The following ASB3 variants were observed in gnomAD, a reference collection of about 807,000 sequenced individuals.
The protein encoded by ASB3 is ankyrin repeat and SOCS box containing 3.
Under a neutral mutation model 54.5 loss-of-function variants are expected in ASB3, and 41 were observed. That is an observed-to-expected ratio of 0.75 (90% CI 0.59 to 0.98). The LOEUF (loss-of-function observed/expected upper bound fraction) is 0.98, where lower values mean the gene tolerates loss of function less well. Among genes scored for constraint, ASB3 ranks in the 50% least tolerant of loss-of-function variants. ASB3 has a pLI of 0.00. For missense variants in ASB3, 733 were observed against 620.0 expected (o/e 1.18, Z -1.94); for synonymous variants, 266 against 221.2 (o/e 1.20, Z -1.80).
intron 1 of ASB3, among the ~76,000 whole-genome samples, chr2:53,776,230 TTAAA>T (rs1278703565): frequency 6.6e-6 from 1 of 152,244 alleles, no homozygotes; most frequent in Admixed American, 6.5e-5. Context: ...CATATCTACT[TTAAA>T]TATCTTCCAA....
At chr2:53,672,610 T>C (rs1667877017) in intron 9 of ASB3, among the ~76,000 whole-genome samples, 1 of 152,192 alleles carries the variant, frequency 6.6e-6, no homozygotes, top group Admixed American at 6.5e-5. Context: ...ACAACAACCA[T>C]ACATACTTTA....
At chr2:53,680,764 G>A (rs1668328065) in intron 9 of ASB3, among the ~76,000 whole-genome samples, 1 of 152,074 alleles carries the variant, frequency 6.6e-6, no homozygotes. Context: ...GTTGAAAAAT[G>A]TACAATAAAT....
At chr2:53,687,511 T>C (rs1217422794) in intron 9 of ASB3, among the ~76,000 whole-genome samples, 3 of 152,214 alleles carry the variant, frequency 2.0e-5, no homozygotes, top group Non-Finnish European at 4.4e-5. Flanking sequence ...CCAGAGGAAA[T>C]GAATCTAGAG....
intron 7 of ASB3, among the ~76,000 whole-genome samples, chr2:53,713,420 T>G (rs763943105): frequency 3.0e-4 from 45 of 152,326 alleles, no homozygotes; most frequent in Middle Eastern, 3.4e-3. Flanking sequence ...GACCAGATAT[T>G]ACTCAATATG....
At chr2:53,765,760 G>T (rs1052145881) in intron 1 of ASB3, among the ~76,000 whole-genome samples, 175 bp from the exon 2 acceptor site, 1 of 152,178 alleles carries the variant, frequency 6.6e-6, no homozygotes, top group Non-Finnish European at 1.5e-5. Flanking sequence ...AAAGCAGGAA[G>T]TTTCTCTGTT....
intron 3 of ASB3, among the ~76,000 whole-genome samples, chr2:53,746,466 G>GT (rs1162654778): frequency 4.8e-5 from 7 of 146,782 alleles, no homozygotes; most frequent in African/African-American, 1.8e-4. Flanking sequence ...TCCACACACT[G>GT]TTTTTTGGGG....
intron 5 of ASB3, among the ~76,000 whole-genome samples, chr2:53,721,837 T>C (rs550618840): frequency 2.6e-5 from 4 of 151,680 alleles, no homozygotes; most frequent in Non-Finnish European, 5.9e-5. Context: ...AAAAAATAAT[T>C]AAAATCAGAG....
In ASB3 at chr2:53,786,832, C is replaced by A. The variant is rs749930397; in HGVS notation, c.-25G>T. 1.5e-5 allele frequency: 3 copies of A among 201,946 alleles called. No individual in the cohort carries two copies. Among genetic ancestry groups the A allele is most frequent in the Non-Finnish European group, 2.0e-5 (2 of 100,496 alleles). 12.5% of individuals were successfully genotyped at this position (201,946 alleles called of 1,614,324 possible). On this transcript the variant is annotated 5_prime_UTR_variant, in exon 1 of 10. Transcript: ENST00000263634. ...CGAGACTCACCGACCTGCCGTGCTG[C>A]CACTTCTACACCGAAATGGCTGGTC... is the stretch of plus-strand genomic sequence containing the variant.
intron 7 of ASB3, among the ~76,000 whole-genome samples, chr2:53,709,700 C>G (rs575407143): frequency 6.6e-6 from 1 of 152,284 alleles, no homozygotes; most frequent in South Asian, 2.1e-4. Flanking sequence ...AATTAAAAAA[C>G]AGCAATTTCA....
At chr2:53,687,186 A>G (rs1162088234) in intron 9 of ASB3, among the ~76,000 whole-genome samples, 1 of 152,222 alleles carries the variant, frequency 6.6e-6, no homozygotes, top group Non-Finnish European at 1.5e-5. Context: ...AGGCTATGTG[A>G]AGTTAAAATT....
intron 9 of ASB3, among the ~76,000 whole-genome samples, chr2:53,677,120 C>G (rs1668122572): frequency 6.6e-6 from 1 of 152,286 alleles, no homozygotes; most frequent in Middle Eastern, 3.4e-3. Context: ...CAAATACTTA[C>G]CAATGTGTTA....
At chr2:53,686,080 C>T (rs1188417877) in intron 9 of ASB3, among the ~76,000 whole-genome samples, 1 of 152,196 alleles carries the variant, frequency 6.6e-6, no homozygotes, top group Non-Finnish European at 1.5e-5. Context: ...GTTATTATCA[C>T]ATGATTCTGC....
intron 3 of ASB3, among the ~76,000 whole-genome samples, 176 bp from the exon 4 acceptor site, chr2:53,729,746 T>G (rs2302797): frequency 0.18 from 26,751 of 152,192 alleles, 2,365 homozygotes; most frequent in South Asian, 0.23. Context: ...TAATTGTTTC[T>G]GAACACATGC....
At chr2:53,767,864 T>C (rs755986295) in intron 1 of ASB3, 2 of 1,593,758 alleles carry the variant, frequency 1.3e-6, no homozygotes, top group East Asian at 2.3e-5. Context: ...TCACGGCCAC[T>C]GGGGCAGAGG....
At chr2:53,775,626 C>T (rs1277433159) in intron 1 of ASB3, among the ~76,000 whole-genome samples, 1 of 152,186 alleles carries the variant, frequency 6.6e-6, no homozygotes, top group African/African-American at 2.4e-5. Flanking sequence ...CAGGCATGTG[C>T]CACCACGCCC....
chr2:53,729,031 A>G (rs897000061), intron 4 of ASB3, among the ~76,000 whole-genome samples, 184 bp from the exon 5 acceptor site: 2 of 152,078 alleles, frequency 1.3e-5, no homozygotes, highest in African/African-American at 4.8e-5. Flanking sequence ...ATTATCCTAT[A>G]TTTCTAGTTA....
chr2:53,695,919 G>A (rs1054368961), intron 8 of ASB3, among the ~76,000 whole-genome samples: 4 of 152,076 alleles, frequency 2.6e-5, no homozygotes, highest in Non-Finnish European at 4.4e-5. Flanking sequence ...TATAATTTAC[G>A]TGACAAAGAT....
intron 9 of ASB3, among the ~76,000 whole-genome samples, chr2:53,676,444 G>C (rs1011905029): frequency 6.6e-5 from 10 of 152,150 alleles, no homozygotes; most frequent in African/African-American, 2.4e-4. Flanking sequence ...TGCCAATACA[G>C]GCATACACTG....
At chr2:53,711,557 T>C (rs922151191) in intron 7 of ASB3, among the ~76,000 whole-genome samples, 5 of 152,242 alleles carry the variant, frequency 3.3e-5, no homozygotes, top group African/African-American at 1.2e-4. Flanking sequence ...GGCAGATCAC[T>C]TGAGGTCAGA....
Sources: gnomAD v4.1 joint callset for allele counts (sites outside exome capture counted in the v4.1 genomes callset) on GRCh38, gnomAD v4.1.1 for gene constraint, MANE v1.5 for transcripts, NCBI Gene and HGNC (gene_info 2026-07-23, HGNC 2026-07-21) for gene names.